Variants in ATF7IP observed in about 807,000 individuals in gnomAD.
ATF7IP encodes activating transcription factor 7 interacting protein.
In ATF7IP, 23 loss-of-function variants were observed where a neutral mutation model predicts 106.4. The observed-to-expected ratio is 0.22, with a 90% CI of 0.16 to 0.31. ATF7IP has a LOEUF of 0.31. Among genes scored for constraint, ATF7IP ranks in the 10% least tolerant of loss-of-function variants. The pLI is 1.00. For missense variants in ATF7IP, 1,334 were observed against 1,524.3 expected (o/e 0.88, Z 2.08); for synonymous variants, 542 against 539.0 (o/e 1.01, Z -0.08).
At chr12:14,484,804 C>T (rs1049762407) in intron 13 of ATF7IP, among the ~76,000 whole-genome samples, 9 of 152,164 alleles carry the variant, frequency 5.9e-5, no homozygotes, top group African/African-American at 1.7e-4. Flanking sequence ...AGCCCAATCA[C>T]GTATATACTG....
rs534654801 is a variant in ATF7IP at position 14,369,342 on chromosome 12, A to G, written c.-8+3515A>G. On this transcript the variant is annotated intron_variant, in intron 1 of 14. Transcript: ENST00000261168. ...GTTGTAAGGTGAATTGTATGTTTAT[A>G]TTGTATTTTATTTTATTATTATTGT... 6.6e-5 allele frequency: 10 copies of G among 151,998 alleles called. No homozygotes were observed. The South Asian group carries it at 1.9e-3, about 28-fold the overall frequency. The allele number at this position is 151,998 out of a possible 1,614,324, so 9.4% of individuals were successfully genotyped here.
chr12:14,468,254 C>T (rs1271074168), intron 10 of ATF7IP, among the ~76,000 whole-genome samples: 5 of 137,540 alleles, frequency 3.6e-5, no homozygotes, highest in African/African-American at 1.1e-4. Context: ...GGTGAAAGAG[C>T]GAAACTCCAT....
At chr12:14,408,048 A>T (rs1417086372) in intron 1 of ATF7IP, among the ~76,000 whole-genome samples, 1 of 151,942 alleles carries the variant, frequency 6.6e-6, no homozygotes, top group East Asian at 1.9e-4. Context: ...ATGTATTAGG[A>T]CTGTGATTCA....
In ATF7IP at chr12:14,465,332, T is replaced by C. The variant is rs978225212; in HGVS notation, c.2798-1194T>C. The stretch of plus-strand genomic sequence containing the variant: ...ATTTTGATTTGAAGATGGAAGTGTT[T>C]CAAATGCAAATGAATGTATTTTAAC... On this transcript the variant is annotated intron_variant, in intron 9 of 14. Transcript: ENST00000261168. Among the ~76,000 whole-genome samples, 125 of 152,184 alleles carry C rather than the reference T, an allele frequency of 8.2e-4. 1 individual carries two copies. The highest frequency in any genetic ancestry group is 2.8e-3 in the African/African-American group (116 of 41,580).
At chr12:14,423,574 C>CTTTTTTTTTTTTTTTTTTTTTTTTTT in intron 1 of ATF7IP, among the ~76,000 whole-genome samples, 54 of 34,394 alleles carry the variant, frequency 1.6e-3, no homozygotes, top group Admixed American at 3.3e-3. Flanking sequence ...TCTTCAGGTA[C>CTTTTTTTTTTTTTTTTTTTTTTTTTT]TTTTTTTTTT....
intron 3 of ATF7IP, among the ~76,000 whole-genome samples, chr12:14,435,766 G>A (rs537360278): frequency 1.8e-4 from 28 of 152,274 alleles, no homozygotes; most frequent in African/African-American, 6.5e-4. Flanking sequence ...GGATTCATGT[G>A]CACTGTGACA....
chr12:14,466,940 G>T (rs1410142515), intron 10 of ATF7IP, among the ~76,000 whole-genome samples: 13 of 151,998 alleles, frequency 8.6e-5, no homozygotes, highest in Admixed American at 8.5e-4. Flanking sequence ...TTTTTTAAGA[G>T]TGTCTCATTG....
At chr12:14,417,094 CCT>C (rs1335805042) in intron 1 of ATF7IP, 1 of 227,976 alleles carries the variant, frequency 4.4e-6, no homozygotes, top group African/African-American at 2.3e-5. Flanking sequence ...ATTTTATAAT[CCT>C]ATATTTAAAG....
At chr12:14,485,669 GAA>G (rs1944582453) in intron 13 of ATF7IP, among the ~76,000 whole-genome samples, 1 of 152,186 alleles carries the variant, frequency 6.6e-6, no homozygotes, top group Non-Finnish European at 1.5e-5. Context: ...TTTGCCCACT[GAA>G]GGCAAATTGC....
chr12:14,437,275 CAA>C (rs1355138085), intron 4 of ATF7IP, among the ~76,000 whole-genome samples: 1 of 152,160 alleles, frequency 6.6e-6, no homozygotes, highest in Non-Finnish European at 1.5e-5. Context: ...ATTTTACAAT[CAA>C]TGTTTTAGGA....
At chr12:14,479,239 T>G (rs1333377270) in intron 12 of ATF7IP, among the ~76,000 whole-genome samples, 1 of 152,194 alleles carries the variant, frequency 6.6e-6, no homozygotes, top group Non-Finnish European at 1.5e-5. Context: ...AACCAAGAAG[T>G]TATAACTGAC....
At chr12:14,393,054 C>T (rs968610142) in intron 1 of ATF7IP, among the ~76,000 whole-genome samples, 3 of 152,146 alleles carry the variant, frequency 2.0e-5, no homozygotes, top group African/African-American at 7.2e-5. Flanking sequence ...TTTTCAGCTT[C>T]TTTTGATGAA....
intron 2 of ATF7IP, among the ~76,000 whole-genome samples, chr12:14,426,841 AAAAAAAAAAG>A (rs1042496637): frequency 5.5e-5 from 8 of 145,610 alleles, no homozygotes; most frequent in African/African-American, 1.8e-4. Flanking sequence ...AAAAAAAAAA[AAAAAAAAAAG>A]GATGGCTTTT....
intron 6 of ATF7IP, among the ~76,000 whole-genome samples, chr12:14,448,323 T>G (rs927824644): frequency 2.0e-5 from 3 of 152,188 alleles, no homozygotes; most frequent in African/African-American, 7.2e-5. Context: ...AAATTGACAA[T>G]TTTGTTTACA....
At chr12:14,462,229 C>CA (rs1478273962) in intron 9 of ATF7IP, among the ~76,000 whole-genome samples, 1 of 151,972 alleles carries the variant, frequency 6.6e-6, no homozygotes, top group African/African-American at 2.4e-5. Context: ...TAGTACAGGG[C>CA]AAATGTTTGT....
At chr12:14,449,830 C>T (rs564229226) in intron 6 of ATF7IP, among the ~76,000 whole-genome samples, 40 of 152,068 alleles carry the variant, frequency 2.6e-4, no homozygotes, top group African/African-American at 8.4e-4. Context: ...TCCATAAACA[C>T]AGGATGTCTT....
intron 13 of ATF7IP, chr12:14,481,803 A>G (rs1944439630): frequency 1.1e-5 from 2 of 182,846 alleles, no homozygotes; most frequent in South Asian, 1.9e-4. Flanking sequence ...GATGATGGAA[A>G]TCATGGTAAA....
chr12:14,487,131 T>TG (rs1220717195), intron 13 of ATF7IP, among the ~76,000 whole-genome samples: 7 of 151,850 alleles, frequency 4.6e-5, no homozygotes, highest in Non-Finnish European at 8.8e-5. Flanking sequence ...GAACCTTTTT[T>TG]TTTAACTCCC....
chr12:14,381,769 T>C (rs1166365633), intron 1 of ATF7IP, among the ~76,000 whole-genome samples: 2 of 152,040 alleles, frequency 1.3e-5, no homozygotes, highest in East Asian at 3.8e-4. Flanking sequence ...CAGTGAAAAT[T>C]TTTCTTTAGA....
Sources: gnomAD v4.1 joint callset for allele counts (sites outside exome capture counted in the v4.1 genomes callset) on GRCh38, gnomAD v4.1.1 for gene constraint, MANE v1.5 for transcripts, NCBI Gene and HGNC (gene_info 2026-07-23, HGNC 2026-07-21) for gene names.